GLO1: variants seen among roughly 807,000 people sequenced by gnomAD.
GLO1 encodes lactoylglutathione lyase.
A neutral mutation model predicts 26.0 loss-of-function variants in GLO1; 28 were observed. That is an observed-to-expected ratio of 1.08 (90% CI 0.80 to 1.48). The LOEUF is 1.48. Among genes scored for constraint, GLO1 ranks in the 40% most tolerant of loss-of-function variants. The pLI, the probability that GLO1 is intolerant of heterozygous loss-of-function variation, is 0.00. For synonymous variants in GLO1, 78 were observed against 77.6 expected, an observed-to-expected ratio of 1.00 and a Z score of -0.03; for missense variants, 225 against 224.8, an observed-to-expected ratio of 1.00 and a Z score of -0.01.
At chr6:38,691,929 CA>C (rs1419418371) in intron 1 of GLO1, among the ~76,000 whole-genome samples, 1 of 152,138 alleles carries the variant, frequency 6.6e-6, no homozygotes, top group Non-Finnish European at 1.5e-5. Flanking sequence ...TATTTTGTTT[CA>C]ATGTTCTATC....
At position 38,677,321 on chromosome 6, in the gene GLO1, G is replaced by T; in HGVS notation, c.529C>A (p.Pro177Thr). ...TACATTAAGGTTGCCATTTTGTTAG[G>T]ATTCAAAATTTCAATCCAGTAGCCA... ...PDGYWIEILN[P>T]NKMATLM The change falls in exon 6 of 6, where the codon CCT (proline) becomes ACT (threonine). Residue 177 changes from proline to threonine, a missense_variant. Transcript: ENST00000373365. 1 of 1,536,764 alleles carries T rather than the reference G, an allele frequency of 6.5e-7. No individual in the cohort carries two copies.
At position 38,677,077 on chromosome 6, in the gene GLO1, C is replaced by A; in HGVS notation, c.*218G>T. 1.9e-6 allele frequency: 1 copy of A among 535,556 alleles called. No homozygotes were observed. The highest frequency in any genetic ancestry group is 3.2e-6 in the Non-Finnish European group (1 of 307,928). The allele number at this position is 535,556 out of a possible 1,614,324, so 33.2% of individuals were successfully genotyped here. ...TTATTACCTAAAAAATAAAGTTACACAACTATATTCAAGGACATGAGATAA... is the reference window on the plus strand; with the variant it reads ...TTATTACCTAAAAAATAAAGTTACAAAACTATATTCAAGGACATGAGATAA... On this transcript the variant is annotated 3_prime_UTR_variant, in exon 6 of 6. Coordinates refer to ENST00000373365, the MANE Select transcript of GLO1 (RefSeq NM_006708.3).
In GLO1 at chr6:38,682,083, A is replaced by T; in HGVS notation, c.395T>A (p.Val132Asp). 1 of 1,587,008 alleles carries T rather than the reference A, an allele frequency of 6.3e-7. No individual in the cohort carries two copies. Among genetic ancestry groups the T allele is most frequent in the Non-Finnish European group, 8.7e-7 (1 of 1,155,154 alleles). Residue 132 changes from valine to aspartate, a missense_variant, in exon 5 of 6, where the codon GTT (valine) becomes GAT (aspartate). Coordinates refer to ENST00000373365, the MANE Select transcript of GLO1 (RefSeq NM_006708.3). ...TTTACAAGCACTGTATACATCAGGA[A>T]CAGCAATTCCAATATGACCTTACGT... Reference protein sequence around the residue: ...PRGFGHIGIAVPDVYSACKRF... With the variant: ...PRGFGHIGIADPDVYSACKRF...
At chr6:38,697,983 T>C (rs1441697464) in intron 1 of GLO1, among the ~76,000 whole-genome samples, 2 of 152,206 alleles carry the variant, frequency 1.3e-5, no homozygotes, top group East Asian at 1.9e-4. Context: ...CTCAACACAT[T>C]TGAGAGACAG....
chr6:38,682,940 C>CA lies in GLO1; in HGVS notation c.309-66dup, dbSNP rs1159424801. ...AATAGATATTCTGAAAAGCAAGTAACATCTTTGAAATCTTACCACGTTTAT... is the reference window on the plus strand; with the variant it reads ...AATAGATATTCTGAAAAGCAAGTAACAATCTTTGAAATCTTACCACGTTTAT... On this transcript the variant is annotated intron_variant, in intron 3 of 5. Coordinates refer to ENST00000373365, the MANE Select transcript of GLO1 (RefSeq NM_006708.3). 7 of 951,496 alleles carry CA rather than the reference C, an allele frequency of 7.4e-6. No individual in the cohort carries two copies. The East Asian group carries it at 1.4e-4, about 19-fold the overall frequency. The allele number at this position is 951,496 out of a possible 1,614,324, so 58.9% of individuals were successfully genotyped here. A position where few individuals can be genotyped will look rare whatever the true frequency, so the allele number is the denominator to read the frequency against.
rs4746 is a variant in GLO1 at position 38,682,852 on chromosome 6, T to G, written c.332A>C (p.Glu111Ala). 660,878 of 1,595,116 alleles carry G rather than the reference T, an allele frequency of 0.41. 143,660 individuals are homozygous for G. The highest frequency in any genetic ancestry group is 0.45 in the Non-Finnish European group (528,075 of 1,163,076). ...ATTGCCATTGTGGTAACTCTGGGTC[T>G]CATCATCTTCAGTGCCCCAATTGCT... ...LTHNWGTEDDETQSYHNGNSD... is the reference protein window; with the variant it reads ...LTHNWGTEDDATQSYHNGNSD... The change falls in exon 4 of 6, where the codon GAG (glutamate) becomes GCG (alanine). Residue 111 changes from glutamate to alanine, a missense_variant. Physicochemically the swap from Glu to Ala is moderately radical, Grantham distance 107. Transcript: ENST00000373365.
Position 38,677,364 on chromosome 6 carries a change from T to C in GLO1, c.486A>G (p.Ala162=), listed in dbSNP as rs769740441. ...KPDDGKMKGL[A]FIQDPDGYWI... is the part of the protein sequence containing the mutation. ...AGTAGCCATCAGGATCTTGAATAAATGCCAGGCCTTTCATTTTACCTGTAA... is the reference window on the plus strand; with the variant it reads ...AGTAGCCATCAGGATCTTGAATAAACGCCAGGCCTTTCATTTTACCTGTAA... Residue 162 remains alanine (A), a synonymous_variant, in exon 6 of 6, where the codon GCA becomes GCG. Coordinates refer to ENST00000373365, the MANE Select transcript of GLO1 (RefSeq NM_006708.3). The C allele has an allele frequency of 1.3e-6, 2 of 1,521,970 alleles. No homozygotes were observed. Among genetic ancestry groups the C allele is most frequent in the Non-Finnish European group, 9.1e-7 (1 of 1,096,786 alleles). 94.3% of individuals were successfully genotyped at this position (1,521,970 alleles called of 1,614,324 possible).
At chr6:38,681,078 T>A (rs1761366601) in intron 5 of GLO1, among the ~76,000 whole-genome samples, 1 of 152,276 alleles carries the variant, frequency 6.6e-6, no homozygotes, top group African/African-American at 2.4e-5. Flanking sequence ...ATATATATAT[T>A]TTTGTGACGG....
chr6:38,702,245 A>T (rs1761714949), intron 1 of GLO1, among the ~76,000 whole-genome samples: 1 of 152,170 alleles, frequency 6.6e-6, no homozygotes, highest in African/African-American at 2.4e-5. Flanking sequence ...TGATCTTAAC[A>T]AGGCAACCGA....
intron 5 of GLO1, among the ~76,000 whole-genome samples, chr6:38,681,333 A>G (rs532617541): frequency 6.6e-6 from 1 of 152,324 alleles, no homozygotes; most frequent in South Asian, 2.1e-4. Context: ...AAGTGTTGGG[A>G]TGACAGGTGT....
At chr6:38,691,903 A>G (rs1035676976) in intron 1 of GLO1, among the ~76,000 whole-genome samples, 3 of 152,124 alleles carry the variant, frequency 2.0e-5, no homozygotes, top group Admixed American at 6.5e-5. Context: ...TAGTGTGGGT[A>G]TATTTTGGGG....
At chr6:38,685,961 T>C (rs529574263) in intron 2 of GLO1, among the ~76,000 whole-genome samples, 2 of 152,202 alleles carry the variant, frequency 1.3e-5, no homozygotes, top group Non-Finnish European at 2.9e-5. Context: ...GTCTGTGAAA[T>C]GGGGATAAAA....
chr6:38,682,937 T>A, intron 3 of GLO1, 62 bp from the exon 4 acceptor site: 1 of 974,046 alleles, frequency 1.0e-6, no homozygotes, highest in Non-Finnish European at 1.7e-6. Flanking sequence ...GAAAAGCAAG[T>A]AACATCTTTG....
In GLO1 at chr6:38,680,475, C is replaced by T. The variant is rs142456285; in HGVS notation, c.466+1537G>A. Among the ~76,000 whole-genome samples the T allele has an allele frequency of 4.6e-3, 704 of 152,254 alleles. 1 individual carries two copies. The highest frequency in any genetic ancestry group is 0.015 in the African/African-American group (630 of 41,542). On this transcript the variant is annotated intron_variant, in intron 5 of 5. Transcript: ENST00000373365. ...GGCAGAGGTTGCGGTGAGCCAAGAC[C>T]GTGCCATTGCACTCCAACCTGGGCA...
chr6:38,690,702 A>G (rs2127547564), intron 1 of GLO1, among the ~76,000 whole-genome samples: 1 of 151,236 alleles, frequency 6.6e-6, no homozygotes, highest in South Asian at 2.1e-4. Flanking sequence ...GAATATTAAA[A>G]TTCACTTTAA....
At chr6:38,688,832 G>T (rs1382562799) in intron 1 of GLO1, among the ~76,000 whole-genome samples, 3 of 152,200 alleles carry the variant, frequency 2.0e-5, no homozygotes, top group Non-Finnish European at 4.4e-5. Flanking sequence ...GGAAATTAAG[G>T]TCACTCATCA....
chr6:38,684,707 T>C (rs1481269000), intron 2 of GLO1, among the ~76,000 whole-genome samples, 193 bp from the exon 3 acceptor site: 1 of 152,188 alleles, frequency 6.6e-6, no homozygotes, highest in Non-Finnish European at 1.5e-5. Flanking sequence ...ATATTTGAAA[T>C]ACAAAAATGA....
chr6:38,695,065 CTT>C (rs1761589465), intron 1 of GLO1, among the ~76,000 whole-genome samples: 1 of 152,172 alleles, frequency 6.6e-6, no homozygotes, highest in Non-Finnish European at 1.5e-5. Context: ...ATCATTGTCT[CTT>C]AATGTATTTG....
intron 2 of GLO1, 134 bp downstream of exon 2, chr6:38,686,758 G>A: frequency 1.7e-6 from 1 of 592,148 alleles, no homozygotes; most frequent in Non-Finnish European, 3.0e-6. Context: ...GTCCAGCCAG[G>A]CCTAATCACA....
Sources: gnomAD v4.1 joint callset for allele counts (sites outside exome capture counted in the v4.1 genomes callset) on GRCh38, gnomAD v4.1.1 for gene constraint, MANE v1.5 for transcripts, NCBI Gene and HGNC (gene_info 2026-07-23, HGNC 2026-07-21) for gene names.